Variants in NAALADL2 observed in about 807,000 individuals in gnomAD.
NAALADL2 encodes inactive N-acetylated-alpha-linked acidic dipeptidase-like protein 2.
A neutral mutation model predicts 87.2 loss-of-function variants in NAALADL2; 76 were observed. The ratio of observed to expected loss-of-function variants is 0.87; its 90% CI spans 0.72 to 1.05. The LOEUF is 1.05. NAALADL2 is among the 50% of genes least tolerant of loss of function. The pLI is 0.00. For synonymous variants in NAALADL2, 354 were observed against 331.0 expected, an observed-to-expected ratio of 1.07 and a Z score of -0.75; for missense variants, 1,089 against 945.8, an observed-to-expected ratio of 1.15 and a Z score of -1.99.
intron 1 of NAALADL2, among the ~76,000 whole-genome samples, chr3:175,046,012 GT>G (rs68181849): frequency 0.43 from 64,106 of 148,474 alleles, 16,089 homozygotes; most frequent in African/African-American, 0.71. Flanking sequence ...TAGACTTTAT[GT>G]TTTTTTTTTT....
intron 9 of NAALADL2, among the ~76,000 whole-genome samples, chr3:175,490,824 C>T (rs1404278085): frequency 6.6e-6 from 1 of 152,098 alleles, no homozygotes; most frequent in Non-Finnish European, 1.5e-5. Flanking sequence ...CCCCACCAAA[C>T]AGGGAGGTAG....
intron 9 of NAALADL2, among the ~76,000 whole-genome samples, chr3:175,473,710 A>T (rs927636806): frequency 2.6e-5 from 4 of 152,056 alleles, no homozygotes; most frequent in African/African-American, 9.7e-5. Flanking sequence ...ACAAAACTTT[A>T]CAGTAATTTA....
intron 10 of NAALADL2, 73 bp from the exon 11 acceptor site, chr3:175,627,218 G>C: frequency 8.1e-7 from 1 of 1,239,610 alleles, no homozygotes; most frequent in Non-Finnish European, 1.1e-6. Context: ...TAATCTTTAA[G>C]GAAAATCCAA....
chr3:174,624,397 G>A (rs1721348857), intron 2 of NAALADL2, among the ~76,000 whole-genome samples: 1 of 152,140 alleles, frequency 6.6e-6, no homozygotes, highest in East Asian at 1.9e-4. Flanking sequence ...GCGGAGGCGG[G>A]TGGATCATTT....
At chr3:174,698,957 G>C (rs993692880) in intron 2 of NAALADL2, among the ~76,000 whole-genome samples, 1 of 139,962 alleles carries the variant, frequency 7.1e-6, no homozygotes. Flanking sequence ...ATGTGTGTGT[G>C]TGTGTGCGTG....
chr3:175,452,247 C>A (rs1183917006), intron 6 of NAALADL2, among the ~76,000 whole-genome samples: 2 of 152,090 alleles, frequency 1.3e-5, no homozygotes, highest in Non-Finnish European at 2.9e-5. Context: ...CTCTCTCTCT[C>A]TTGCTATGTC....
intron 1 of NAALADL2, among the ~76,000 whole-genome samples, chr3:175,073,453 G>A (rs913848771): frequency 2.0e-5 from 3 of 152,038 alleles, no homozygotes; most frequent in Non-Finnish European, 2.9e-5. Flanking sequence ...TGTAGACAGT[G>A]TAATTCAGTA....
chr3:174,669,928 T>A (rs1726365669), intron 2 of NAALADL2, among the ~76,000 whole-genome samples: 1 of 152,068 alleles, frequency 6.6e-6, no homozygotes, highest in Non-Finnish European at 1.5e-5. Context: ...ATGTTTTCTA[T>A]CTTTTAGGGT....
intron 2 of NAALADL2, among the ~76,000 whole-genome samples, chr3:175,154,898 T>C (rs113098149): frequency 0.033 from 5,013 of 152,268 alleles, 165 homozygotes; most frequent in South Asian, 0.13. Context: ...CATACCCCTG[T>C]TATTTTAAAA....
intron 1 of NAALADL2, among the ~76,000 whole-genome samples, chr3:175,051,803 A>G (rs1171878371): frequency 6.6e-6 from 1 of 152,202 alleles, no homozygotes. Flanking sequence ...AGTGAAGGTA[A>G]AGCGTGACTG....
At chr3:175,730,647 ATTAT>A (rs1743618080) in intron 11 of NAALADL2, among the ~76,000 whole-genome samples, 1 of 151,586 alleles carries the variant, frequency 6.6e-6, no homozygotes, top group South Asian at 2.1e-4. Flanking sequence ...GAACATCAAT[ATTAT>A]TTAGTAAGAG....
intron 13 of NAALADL2, among the ~76,000 whole-genome samples, chr3:175,783,535 T>G (rs1239739214): frequency 2.0e-5 from 3 of 151,324 alleles, no homozygotes; most frequent in African/African-American, 7.4e-5. Flanking sequence ...ATGCTTGTGA[T>G]TTTTGTACAT....
At chr3:174,977,743 A>G (rs1362966521) in intron 1 of NAALADL2, among the ~76,000 whole-genome samples, 3 of 152,168 alleles carry the variant, frequency 2.0e-5, no homozygotes, top group Non-Finnish European at 4.4e-5. Context: ...TTTTACAAAG[A>G]TAATACTTAT....
chr3:175,575,954 A>C (rs1251125995), intron 9 of NAALADL2, 87 bp from the exon 10 acceptor site: 4 of 1,089,528 alleles, frequency 3.7e-6, no homozygotes, highest in Non-Finnish European at 3.9e-6. Context: ...GATGCTGCTG[A>C]TCTGTGGACC....
intron 3 of NAALADL2, among the ~76,000 whole-genome samples, chr3:174,799,865 G>A (rs1313082105): frequency 6.6e-6 from 1 of 152,182 alleles, no homozygotes; most frequent in Non-Finnish European, 1.5e-5. Flanking sequence ...GGTGGTCTCA[G>A]ATAGAGATGA....
At chr3:174,893,251 CAGA>C (rs1731080147) in intron 1 of NAALADL2, among the ~76,000 whole-genome samples, 1 of 151,860 alleles carries the variant, frequency 6.6e-6, no homozygotes, top group Admixed American at 6.6e-5. Flanking sequence ...CAAACAAAAG[CAGA>C]AGGATTTCAT....
At chr3:174,488,857 T>C (rs963895283) in intron 1 of NAALADL2, among the ~76,000 whole-genome samples, 3 of 152,024 alleles carry the variant, frequency 2.0e-5, no homozygotes, top group Non-Finnish European at 4.4e-5. Flanking sequence ...CTACTCCTCA[T>C]ACATTTTTAA....
chr3:174,622,932 A>G (rs905777710), intron 2 of NAALADL2, among the ~76,000 whole-genome samples: 1 of 152,162 alleles, frequency 6.6e-6, no homozygotes, highest in African/African-American at 2.4e-5. Flanking sequence ...AGTCCCAGCA[A>G]CTGGGGAGGC....
chr3:175,662,401 G>C (rs1732384533), intron 11 of NAALADL2, among the ~76,000 whole-genome samples: 1 of 151,844 alleles, frequency 6.6e-6, no homozygotes, highest in Admixed American at 6.6e-5. Flanking sequence ...ATTCTTTTAA[G>C]TTTTTCTAAA....
Sources: gnomAD v4.1 joint callset for allele counts (sites outside exome capture counted in the v4.1 genomes callset) on GRCh38, gnomAD v4.1.1 for gene constraint, MANE v1.5 for transcripts, NCBI Gene and HGNC (gene_info 2026-07-23, HGNC 2026-07-21) for gene names.